RLF: variants seen among roughly 807,000 people sequenced by gnomAD.
RLF encodes zinc finger protein Rlf.
Under a neutral mutation model 162.9 loss-of-function variants are expected in RLF, and 7 were observed. The observed-to-expected ratio is 0.04, with a 90% CI of 0.02 to 0.08. The LOEUF (loss-of-function observed/expected upper bound fraction) is 0.08, where lower values mean the gene tolerates loss of function less well. Ranked by LOEUF, RLF falls within the 10% of genes least tolerant of loss-of-function variation. The pLI is 1.00. For missense variants in RLF, 1,664 were observed against 2,244.7 expected (o/e 0.74, Z 5.23); for synonymous variants, 782 against 791.5 (o/e 0.99, Z 0.20).
At chr1:40,169,417 C>A (rs1376431403) in intron 1 of RLF, among the ~76,000 whole-genome samples, 1 of 151,048 alleles carries the variant, frequency 6.6e-6, no homozygotes, top group Non-Finnish European at 1.5e-5. Flanking sequence ...GAGATCGAGA[C>A]CATCCTGGCT....
At chr1:40,230,605 A>G (rs986941079) in intron 6 of RLF, among the ~76,000 whole-genome samples, 19 of 151,816 alleles carry the variant, frequency 1.3e-4, no homozygotes, top group Non-Finnish European at 1.5e-5. Flanking sequence ...GCTAAGTTTT[A>G]TATTTGTAGT....
At chr1:40,225,177 A>G (rs1471620924) in intron 6 of RLF, among the ~76,000 whole-genome samples, 1 of 152,218 alleles carries the variant, frequency 6.6e-6, no homozygotes, top group Admixed American at 6.5e-5. Context: ...TTAAAATACA[A>G]TAATAAAAGT....
At chr1:40,206,071 C>A (rs187384163) in intron 5 of RLF, among the ~76,000 whole-genome samples, 69 of 152,312 alleles carry the variant, frequency 4.5e-4, no homozygotes, top group South Asian at 1.0e-3. Context: ...GTTCCCTCCT[C>A]CAAACTCCAG....
intron 6 of RLF, among the ~76,000 whole-genome samples, chr1:40,225,763 G>C (rs1475856783): frequency 6.6e-6 from 1 of 150,826 alleles, no homozygotes; most frequent in Non-Finnish European, 1.5e-5. Flanking sequence ...TGTAGTCCCA[G>C]CTACTCGTAA....
At chr1:40,224,394 C>T (rs1382440448) in intron 6 of RLF, among the ~76,000 whole-genome samples, 1 of 149,076 alleles carries the variant, frequency 6.7e-6, no homozygotes, top group Non-Finnish European at 1.5e-5. Context: ...CTGCAACCTC[C>T]GCCTCCCGAG....
intron 4 of RLF, among the ~76,000 whole-genome samples, chr1:40,197,454 T>G: frequency 6.6e-6 from 1 of 152,172 alleles, no homozygotes; most frequent in East Asian, 1.9e-4. Flanking sequence ...CAGAGGAGAT[T>G]GCATGTTTTG....
chr1:40,216,500 AAGAGAGAG>A (rs202041844), intron 5 of RLF, among the ~76,000 whole-genome samples: 1 of 151,070 alleles, frequency 6.6e-6, no homozygotes, highest in Non-Finnish European at 1.5e-5. Context: ...AAAAAAAAAA[AAGAGAGAG>A]AGAAAGAAAC....
intron 3 of RLF, among the ~76,000 whole-genome samples, chr1:40,193,427 G>A (rs975514415): frequency 6.6e-6 from 1 of 152,066 alleles, no homozygotes; most frequent in African/African-American, 2.4e-5. Flanking sequence ...CTCAAACTGT[G>A]GTTTTTATTT....
chr1:40,161,731 GGC>G lies in RLF; in HGVS notation c.237+98_237+99del. 1 of 1,495,396 alleles carries G rather than the reference GGC, an allele frequency of 6.7e-7. No homozygotes were observed. Among genetic ancestry groups the G allele is most frequent in the Non-Finnish European group, 8.9e-7 (1 of 1,128,774 alleles). The allele number at this position is 1,495,396 out of a possible 1,614,324, so 92.6% of individuals were successfully genotyped here. On this transcript the variant is annotated intron_variant, in intron 1 of 7. Coordinates refer to ENST00000372771, the MANE Select transcript of RLF (RefSeq NM_012421.4). This position sits in a 1 kb window ranked among gnomAD's most constrained non-coding sequence, Gnocchi z 4.4. ...GTAAGCAGCCGGGTCCAAACTGAAA[GGC>G]GCCACCTCCGTGACTCGCCGCGCCC...
chr1:40,199,826 A>G (rs896996838), intron 4 of RLF, among the ~76,000 whole-genome samples: 8 of 152,188 alleles, frequency 5.3e-5, no homozygotes, highest in Admixed American at 2.6e-4. Context: ...AATAATAGGC[A>G]TGATTTAGAT....
chr1:40,236,616 G>A lies in RLF; in HGVS notation c.1914G>A (p.Glu638=). The part of the protein sequence containing the change: ...ICPKSPSAIP[E]QNHSLNDQAK... ...CTAAGAGCCCCTCTGCAATCCCAGAGCAAAACCATTCATTGAATGACCAAG... is the reference window on the plus strand; with the variant it reads ...CTAAGAGCCCCTCTGCAATCCCAGAACAAAACCATTCATTGAATGACCAAG... The change falls in exon 8 of 8, where the codon GAG becomes GAA. Residue 638 remains glutamate, a synonymous_variant. Coordinates refer to ENST00000372771, the MANE Select transcript of RLF (RefSeq NM_012421.4). This position sits in a 1 kb window ranked among gnomAD's most constrained non-coding sequence, Gnocchi z 7.7. 1.2e-6 allele frequency: 2 copies of A among 1,614,132 alleles called. No homozygotes were observed. The highest frequency in any genetic ancestry group is 1.7e-6 in the Non-Finnish European group (2 of 1,180,014).
intron 6 of RLF, 81 bp from the exon 7 acceptor site, chr1:40,231,436 A>G: frequency 2.4e-6 from 3 of 1,274,736 alleles, no homozygotes. Context: ...CTTTCTACAG[A>G]TCAAAAAATT....
At chr1:40,178,898 G>A (rs1389317046) in intron 1 of RLF, among the ~76,000 whole-genome samples, 5 of 151,946 alleles carry the variant, frequency 3.3e-5, no homozygotes, top group East Asian at 1.9e-4. Flanking sequence ...GCATTGGTGC[G>A]ATCTCAGCTC....
chr1:40,217,319 A>G (rs1387181420), intron 5 of RLF, among the ~76,000 whole-genome samples: 1 of 151,866 alleles, frequency 6.6e-6, no homozygotes, highest in African/African-American at 2.4e-5. Context: ...ATAATAAAAT[A>G]AACTGGGCAT....
At chr1:40,175,784 CAAA>C (rs767336748) in intron 1 of RLF, among the ~76,000 whole-genome samples, 2 of 91,814 alleles carry the variant, frequency 2.2e-5, no homozygotes, top group Non-Finnish European at 2.2e-5. Context: ...GACTCCATCT[CAAA>C]AAAAAAAAAA....
chr1:40,201,015 G>C, intron 4 of RLF, among the ~76,000 whole-genome samples: 1 of 75,860 alleles, frequency 1.3e-5, no homozygotes, highest in African/African-American at 5.2e-5. Flanking sequence ...ATAAACCATT[G>C]CTACTCTACA....
chr1:40,216,944 C>G (rs1446153111), intron 5 of RLF, among the ~76,000 whole-genome samples: 1 of 152,110 alleles, frequency 6.6e-6, no homozygotes, highest in African/African-American at 2.4e-5. Flanking sequence ...CCCAGCTACT[C>G]AGGAGGCTGA....
chr1:40,225,195 C>T (rs1488426728), intron 6 of RLF, among the ~76,000 whole-genome samples: 1 of 152,044 alleles, frequency 6.6e-6, no homozygotes, highest in Non-Finnish European at 1.5e-5. Flanking sequence ...AGTAGTCATG[C>T]TTATTTTTAA....
chr1:40,177,720 T>G (rs1642346632), intron 1 of RLF: 1 of 152,124 alleles, frequency 6.6e-6, no homozygotes, highest in East Asian at 1.9e-4. Context: ...ATTGTATAGT[T>G]TTAGGTTTTA....
Sources: allele counts gnomAD v4.1 joint callset (sites outside exome capture counted in the v4.1 genomes callset), GRCh38; gene constraint gnomAD v4.1.1; non-coding constraint Gnocchi (gnomAD v3.1); transcripts MANE v1.5; gene names NCBI Gene and HGNC (gene_info 2026-07-23, HGNC 2026-07-21).